H2BC18: variants seen among roughly 807,000 people sequenced by gnomAD.
H2BC18 encodes the protein H2B clustered histone 18.
Under a neutral mutation model 6.3 loss-of-function variants are expected in H2BC18, and 8 were observed. The ratio of observed to expected loss-of-function variants is 1.28; its 90% CI spans 0.75 to 2.31. H2BC18 has a LOEUF of 2.31. H2BC18 is among the 30% of genes most tolerant of loss of function. H2BC18 has a pLI of 0.00. For missense variants in H2BC18, 106 were observed against 174.5 expected, an observed-to-expected ratio of 0.61 and a Z score of 2.21; for synonymous variants, 104 against 78.1, an observed-to-expected ratio of 1.33 and a Z score of -1.75.
intron 1 of H2BC18, chr1:149,788,740 T>C (rs587730127): frequency 6.2e-6 from 7 of 1,133,540 alleles, no homozygotes; most frequent in South Asian, 4.5e-5. Flanking sequence ...GTAAACTGCA[T>C]TACTAAAGGC....
At chr1:149,784,135 C>T in intron 1 of H2BC18, 1 of 1,611,778 alleles carries the variant, frequency 6.2e-7, no homozygotes, top group Non-Finnish European at 8.5e-7. Context: ...AATGGCACAG[C>T]CACTCAGACC....
At chr1:149,784,374 T>G in intron 1 of H2BC18, 1 of 1,601,570 alleles carries the variant, frequency 6.2e-7, no homozygotes, top group Non-Finnish European at 8.5e-7. Flanking sequence ...CTCAGCACTA[T>G]GTACCTACCA....
At chr1:149,800,948 T>C (rs5011222) in intron 1 of H2BC18, among the ~76,000 whole-genome samples, 12,023 of 152,198 alleles carry the variant, frequency 0.079, 602 homozygotes, top group Non-Finnish European at 0.12. Context: ...TAGCTGGTTG[T>C]GGTGGTACAT....
At chr1:149,806,288 GAAT>G (rs1453463201) in intron 1 of H2BC18, among the ~76,000 whole-genome samples, 9 of 152,212 alleles carry the variant, frequency 5.9e-5, no homozygotes, top group Admixed American at 5.2e-4. Flanking sequence ...GGTATATGGA[GAAT>G]AATTAAGAAA....
At chr1:149,803,741 C>G (rs1284862012) in intron 1 of H2BC18, 2 of 152,230 alleles carry the variant, frequency 1.3e-5, no homozygotes, top group African/African-American at 4.8e-5. Context: ...GAGATAGTCT[C>G]TAGATTCTTG....
At chr1:149,809,024 A>T (rs1171823622), downstream of H2BC18, among the ~76,000 whole-genome samples, 8 of 141,844 alleles carry the variant, frequency 5.6e-5, no homozygotes, top group East Asian at 1.4e-3. Flanking sequence ...TTAAACTGTC[A>T]TCTTTGTAGG....
In H2BC18 at chr1:149,812,063, G is replaced by A. The variant is rs587683524; in HGVS notation, c.261C>T (p.Arg87=). The A allele has an allele frequency of 1.9e-6, 3 of 1,614,278 alleles. No homozygotes were observed. Among genetic ancestry groups the A allele is most frequent in the African/African-American group, 1.3e-5 (1 of 75,078 alleles). Residue 87 remains arginine, a synonymous_variant, in exon 1 of 1, where the codon CGC becomes CGT. Transcript: ENST00000369167. ...GGATCTCGCGGGATGTGATGGTGGA[G>A]CGCTTGTTGTAGTGCGCCAGGCGGG... The part of the protein sequence containing the change: ...EASRLAHYNK[R]STITSREIQT...
At chr1:149,793,964 C>G (rs1293478767) in intron 1 of H2BC18, 30 of 1,106,328 alleles carry the variant, frequency 2.7e-5, no homozygotes, top group African/African-American at 3.3e-5. Flanking sequence ...CAAGGATTAG[C>G]TAGACCTGCC....
At chr1:149,792,746 C>G in intron 1 of H2BC18, 8 of 1,277,186 alleles carry the variant, frequency 6.3e-6, no homozygotes, top group African/African-American at 1.6e-5. Context: ...CCCGCCAAAA[C>G]CCAGTGAGAA....
intron 1 of H2BC18, among the ~76,000 whole-genome samples, chr1:149,800,773 C>G (rs1306640964): frequency 3.3e-5 from 5 of 150,380 alleles, no homozygotes; most frequent in Non-Finnish European, 7.4e-5. Context: ...AATGACCGCA[C>G]TCACTGCTGG....
chr1:149,793,432 C>G (rs1161531498), intron 1 of H2BC18, among the ~76,000 whole-genome samples: 2 of 152,072 alleles, frequency 1.3e-5, no homozygotes, highest in African/African-American at 4.8e-5. Flanking sequence ...CGGGAACCGC[C>G]GAGCTTCACC....
At chr1:149,808,389 C>G (rs2091942716), downstream of H2BC18, among the ~76,000 whole-genome samples, 1 of 152,116 alleles carries the variant, frequency 6.6e-6, no homozygotes, top group African/African-American at 2.4e-5. Context: ...ACCTTTCACT[C>G]TCCATTCACA....
At chr1:149,805,560 T>C (rs1553753802) in intron 1 of H2BC18, 2 of 152,140 alleles carry the variant, frequency 1.3e-5, no homozygotes, top group African/African-American at 4.8e-5. Context: ...CTGTCCCTAA[T>C]TTAGAGGGCA....
chr1:149,790,664 T>TTCTC (rs57604922), intron 1 of H2BC18, among the ~76,000 whole-genome samples: 1 of 146,274 alleles, frequency 6.8e-6, no homozygotes, highest in Non-Finnish European at 1.5e-5. Flanking sequence ...TGACCCCCCC[T>TTCTC]TCTCTCTCTC....
chr1:149,785,079 G>A (rs1379781958), intron 1 of H2BC18, among the ~76,000 whole-genome samples: 9 of 152,202 alleles, frequency 5.9e-5, no homozygotes, highest in Non-Finnish European at 1.3e-4. Context: ...AACCTGTAAG[G>A]AGTTTCTATT....
Position 149,812,186 on chromosome 1 carries a change from C to T in H2BC18, c.138G>A (p.Leu46=), listed in dbSNP as rs1427729574. 15 of 1,614,276 alleles carry T rather than the reference C, an allele frequency of 9.3e-6. No homozygotes were observed. Among genetic ancestry groups the T allele is most frequent in the Non-Finnish European group, 1.3e-5 (15 of 1,180,056 alleles). The change falls in exon 1 of 1, where the codon CTG becomes CTA. Residue 46 remains leucine (L), a synonymous_variant. Transcript: ENST00000369167. Reference sequence around the variant, plus strand: ...TGCCGGTGTCGGGGTGGACCTGCTTCAGCACCTTGTACACGTAAACGGAGT... The same window carrying T: ...TGCCGGTGTCGGGGTGGACCTGCTTTAGCACCTTGTACACGTAAACGGAGT... ...ESYSVYVYKV[L]KQVHPDTGIS... is the part of the protein sequence containing the mutation.
chr1:149,808,653 G>A (rs587737697), downstream of H2BC18, among the ~76,000 whole-genome samples: 49 of 152,158 alleles, frequency 3.2e-4, no homozygotes, highest in South Asian at 8.7e-3. Flanking sequence ...GAGAAAACAC[G>A]GTCTACTTTT....
intron 1 of H2BC18, chr1:149,805,499 A>G (rs1227893768): frequency 6.6e-6 from 1 of 151,658 alleles, no homozygotes; most frequent in Non-Finnish European, 1.5e-5. Context: ...CTAAACTGGT[A>G]TGTGGACCTC....
chr1:149,791,504 A>C (rs2091711561), intron 1 of H2BC18: 1 of 1,609,876 alleles, frequency 6.2e-7, no homozygotes, highest in Non-Finnish European at 8.5e-7. Flanking sequence ...AAGGAGCCCC[A>C]GGGGGCCACG....
Sources: allele counts gnomAD v4.1 joint callset (sites outside exome capture counted in the v4.1 genomes callset), GRCh38; gene constraint gnomAD v4.1.1; transcripts MANE v1.5; gene names NCBI Gene and HGNC (gene_info 2026-07-23, HGNC 2026-07-21).